Variants in CDH13 observed in about 807,000 individuals in gnomAD.
CDH13 encodes cadherin-13.
CDH13 carries 24 observed loss-of-function variants against 63.8 expected under a neutral mutation model. The ratio of observed to expected loss-of-function variants is 0.38; its 90% CI spans 0.27 to 0.53. The LOEUF (loss-of-function observed/expected upper bound fraction) is 0.53. Ranked by LOEUF, CDH13 falls within the 20% of genes least tolerant of loss-of-function variation. The probability of loss-of-function intolerance (pLI) is 0.85; values close to 1 mark genes in which losing one functional copy is unlikely to be tolerated. For missense variants in CDH13, 1,049 were observed against 903.1 expected (o/e 1.16, Z -2.07); for synonymous variants, 503 against 355.3 (o/e 1.42, Z -4.67).
intron 5 of CDH13, among the ~76,000 whole-genome samples, chr16:83,251,734 T>C (rs1241536565): frequency 1.3e-5 from 2 of 152,208 alleles, no homozygotes; most frequent in Non-Finnish European, 2.9e-5. Flanking sequence ...AGACCTTGTC[T>C]TTCCACCTTG....
intron 6 of CDH13, among the ~76,000 whole-genome samples, chr16:83,403,478 C>A (rs1025548766): frequency 3.3e-5 from 5 of 152,044 alleles, no homozygotes; most frequent in African/African-American, 1.2e-4. Context: ...AAAAAATTAG[C>A]CAGGTGTGGT....
chr16:83,212,939 C>T (rs2039381549), intron 4 of CDH13, among the ~76,000 whole-genome samples: 1 of 152,198 alleles, frequency 6.6e-6, no homozygotes, highest in Non-Finnish European at 1.5e-5. Flanking sequence ...GGAAGTGACA[C>T]CCACCATTTC....
At chr16:83,526,616 A>G (rs1177922221) in intron 7 of CDH13, among the ~76,000 whole-genome samples, 2 of 152,154 alleles carry the variant, frequency 1.3e-5, no homozygotes, top group Non-Finnish European at 2.9e-5. Flanking sequence ...CCAATTCCTA[A>G]CAGCGTACAG....
At chr16:83,020,020 T>C (rs1469989786) in intron 2 of CDH13, among the ~76,000 whole-genome samples, 4 of 152,180 alleles carry the variant, frequency 2.6e-5, no homozygotes, top group Non-Finnish European at 5.9e-5. Flanking sequence ...AGTAATGCAT[T>C]GCACTCTGAC....
chr16:83,757,655 A>T (rs1169620092), intron 11 of CDH13, among the ~76,000 whole-genome samples: 1 of 152,194 alleles, frequency 6.6e-6, no homozygotes, highest in East Asian at 1.9e-4. Flanking sequence ...TTGTAAACTC[A>T]TATCGAAACT....
chr16:83,269,554 A>G (rs886639870), intron 5 of CDH13, among the ~76,000 whole-genome samples: 11 of 152,182 alleles, frequency 7.2e-5, no homozygotes, highest in Non-Finnish European at 1.2e-4. Flanking sequence ...GGGAACTCAG[A>G]GAACAGATTC....
chr16:83,235,286 C>A (rs2040111671), intron 5 of CDH13, among the ~76,000 whole-genome samples: 2 of 152,118 alleles, frequency 1.3e-5, no homozygotes. Context: ...AGCCCCTGCC[C>A]CAGAGAATGA....
intron 3 of CDH13, among the ~76,000 whole-genome samples, chr16:83,085,544 AACC>A (rs1266840318): frequency 6.6e-6 from 1 of 152,216 alleles, no homozygotes; most frequent in Non-Finnish European, 1.5e-5. Context: ...TCTTATCAAA[AACC>A]ACTAGAAGTC....
At chr16:82,869,405 G>A (rs532637056) in intron 2 of CDH13, among the ~76,000 whole-genome samples, 1 of 151,778 alleles carries the variant, frequency 6.6e-6, no homozygotes, top group East Asian at 1.9e-4. Context: ...GTGCGGAAGG[G>A]GTAGAACAAG....
chr16:83,715,222 C>T (rs1410085598), intron 10 of CDH13, among the ~76,000 whole-genome samples: 1 of 152,186 alleles, frequency 6.6e-6, no homozygotes, highest in East Asian at 1.9e-4. Context: ...TATTCCCGTA[C>T]ATAGTGCAGA....
chr16:82,937,298 TC>T (rs1167401038), intron 2 of CDH13, among the ~76,000 whole-genome samples: 1 of 152,128 alleles, frequency 6.6e-6, no homozygotes, highest in Non-Finnish European at 1.5e-5. Flanking sequence ...TTTCCTTACT[TC>T]CCTTTGTTGC....
intron 7 of CDH13, among the ~76,000 whole-genome samples, chr16:83,563,531 T>C (rs1414245195): frequency 1.3e-5 from 2 of 152,216 alleles, no homozygotes; most frequent in African/African-American, 4.8e-5. Context: ...CTGAAGTCTT[T>C]TGGGAGTGGT....
intron 1 of CDH13, among the ~76,000 whole-genome samples, chr16:82,838,998 A>C (rs1327869234): frequency 1.3e-5 from 2 of 152,234 alleles, no homozygotes; most frequent in Non-Finnish European, 2.9e-5. Context: ...TTGTAGCATG[A>C]AAGCAGACAT....
chr16:83,441,337 CACAAT>C (rs553668468), intron 6 of CDH13, among the ~76,000 whole-genome samples: 1 of 152,268 alleles, frequency 6.6e-6, no homozygotes, highest in South Asian at 2.1e-4. Context: ...TTGGGAAAAA[CACAAT>C]ACATTTACAA....
At chr16:82,873,428 T>A (rs2040408191) in intron 2 of CDH13, among the ~76,000 whole-genome samples, 1 of 152,184 alleles carries the variant, frequency 6.6e-6, no homozygotes, top group Non-Finnish European at 1.5e-5. Flanking sequence ...TAGCTGGTGT[T>A]GGAGTCTTCT....
At chr16:83,455,352 A>G (rs1425556792) in intron 6 of CDH13, among the ~76,000 whole-genome samples, 4 of 152,182 alleles carry the variant, frequency 2.6e-5, no homozygotes, top group Non-Finnish European at 4.4e-5. Context: ...CTGAGCATCT[A>G]AAATGCAGGG....
intron 2 of CDH13, among the ~76,000 whole-genome samples, chr16:82,922,580 G>T (rs929764733): frequency 6.6e-6 from 1 of 152,088 alleles, no homozygotes; most frequent in Non-Finnish European, 1.5e-5. Flanking sequence ...TGCTATAACA[G>T]GTATGCCTTC....
At chr16:82,671,230 A>T (rs755109312) in intron 1 of CDH13, among the ~76,000 whole-genome samples, 1 of 152,248 alleles carries the variant, frequency 6.6e-6, no homozygotes, top group Non-Finnish European at 1.5e-5. Context: ...TGTAAGTCAC[A>T]AATGAAGAAG....
In CDH13 at chr16:83,527,092, C is replaced by T. The variant is rs531458292; in HGVS notation, c.960+40437C>T. On this transcript the variant is annotated intron_variant, in intron 7 of 13. Coordinates refer to ENST00000567109, the MANE Select transcript of CDH13 (RefSeq NM_001257.5). ...GCTGCTGTAAGCCGAGATTATGCCA[C>T]TGCCCTGCAGCCTGGGCAACAGAGC... Among the ~76,000 whole-genome samples the T allele has an allele frequency of 4.7e-4, 71 of 151,910 alleles. No homozygotes were observed. The South Asian group carries it at 0.014, about 29-fold the overall frequency.
Sources: gnomAD v4.1 joint callset for allele counts (sites outside exome capture counted in the v4.1 genomes callset) on GRCh38, gnomAD v4.1.1 for gene constraint, MANE v1.5 for transcripts, NCBI Gene and HGNC (gene_info 2026-07-23, HGNC 2026-07-21) for gene names.